EMC8: variants seen among roughly 807,000 people sequenced by gnomAD.
EMC8 encodes the protein COX4 neighbor.
A neutral mutation model predicts 24.3 loss-of-function variants in EMC8; 11 were observed. That is an observed-to-expected ratio of 0.45 (90% CI 0.28 to 0.75). The LOEUF (loss-of-function observed/expected upper bound fraction) is 0.75. EMC8 is among the 30% of genes least tolerant of loss of function. The pLI is 0.12. For missense variants in EMC8, 277 were observed against 282.7 expected, an observed-to-expected ratio of 0.98 and a Z score of 0.14; for synonymous variants, 145 against 117.7, an observed-to-expected ratio of 1.23 and a Z score of -1.50.
chr16:85,790,395 C>T (rs900946899), intron 1 of EMC8, among the ~76,000 whole-genome samples: 5 of 152,080 alleles, frequency 3.3e-5, no homozygotes, highest in African/African-American at 1.2e-4. Flanking sequence ...ACCAACTAGA[C>T]ATTCTGGTCA....
rs890541349 is a variant in EMC8 at position 85,799,423 on chromosome 16, G to A, written c.-128C>T. Reference sequence around the variant, plus strand: ...GCGATTGATGGCGCGGCCGCGGGCTGGCGGGGGACCCTTCAGGCCCGGCCC... The same window carrying A: ...GCGATTGATGGCGCGGCCGCGGGCTAGCGGGGGACCCTTCAGGCCCGGCCC... On this transcript the variant is annotated 5_prime_UTR_variant, in exon 1 of 5. Coordinates refer to ENST00000253457, the MANE Select transcript of EMC8 (RefSeq NM_006067.5). This position sits in a 1 kb window ranked among gnomAD's most constrained non-coding sequence, Gnocchi z 4.2. The A allele has an allele frequency of 3.8e-6, 2 of 530,580 alleles. No individual in the cohort carries two copies. The highest frequency in any genetic ancestry group is 3.4e-5 in the South Asian group (1 of 29,560). 32.9% of individuals were successfully genotyped at this position (530,580 alleles called of 1,614,324 possible). A position where few individuals can be genotyped will look rare whatever the true frequency, so the allele number is the denominator to read the frequency against.
At chr16:85,781,329 G>A (rs759744814) in intron 2 of EMC8, 49 bp from the exon 3 acceptor site, 1 of 1,201,454 alleles carries the variant, frequency 8.3e-7, no homozygotes, top group Non-Finnish European at 1.2e-6. Context: ...ATTCAACACT[G>A]TTTACAAAAG....
intron 1 of EMC8, among the ~76,000 whole-genome samples, chr16:85,797,544 A>C (rs751534315): frequency 2.0e-5 from 3 of 152,256 alleles, no homozygotes; most frequent in Non-Finnish European, 4.4e-5. Flanking sequence ...AAGTATTATA[A>C]TCATCTGAAT....
rs569539707 is a variant in EMC8, at chr16:85,793,161, T to A, written c.232-4111A>T. On this transcript the variant is annotated intron_variant, in intron 1 of 4. Transcript: ENST00000253457. ...CCCCTTTCATTCCCAACTAGACTCT[T>A]TGCACAGAGGCAGTAGCTTCTCACA... Among the ~76,000 whole-genome samples, 15 of 152,286 alleles carry A rather than the reference T, an allele frequency of 9.8e-5. No individual in the cohort carries two copies. The South Asian group carries it at 1.9e-3, about 19-fold the overall frequency.
intron 2 of EMC8, 171 bp from the exon 3 acceptor site, chr16:85,781,451 G>C (rs760026018): frequency 8.4e-6 from 5 of 591,826 alleles, no homozygotes; most frequent in East Asian, 3.0e-5. Context: ...TTTTGGTAGA[G>C]ATAGGGTCTT....
intron 1 of EMC8, among the ~76,000 whole-genome samples, chr16:85,792,055 G>A (rs1460663712): frequency 6.6e-6 from 1 of 152,192 alleles, no homozygotes; most frequent in Non-Finnish European, 1.5e-5. Flanking sequence ...ACCCCCAGCA[G>A]CAGTCTCAGT....
intron 2 of EMC8, 56 bp downstream of exon 2, chr16:85,788,918 G>C: frequency 8.1e-7 from 1 of 1,239,572 alleles, no homozygotes; most frequent in Non-Finnish European, 1.2e-6. Flanking sequence ...CGAGAGACGG[G>C]GTCTGCCCAA....
chr16:85,795,397 T>C lies in EMC8; in HGVS notation c.231+3668A>G, dbSNP rs530514436. On this transcript the variant is annotated intron_variant, in intron 1 of 4. Transcript: ENST00000253457. ...CCTGGGGTGTGATGAGAGACACTGG[T>C]TTTCCTCCCCGTTCCTGGCTCCTCA... Among the ~76,000 whole-genome samples, 28 of 152,258 alleles carry C rather than the reference T, an allele frequency of 1.8e-4. No individual in the cohort carries two copies. In the South Asian group the frequency reaches 5.6e-3, roughly 30 times the overall value.
At chr16:85,788,649 C>T (rs1189384402) in intron 2 of EMC8, among the ~76,000 whole-genome samples, 2 of 152,236 alleles carry the variant, frequency 1.3e-5, no homozygotes, top group African/African-American at 4.8e-5. Flanking sequence ...CTCTGCCCAA[C>T]ACCACCCCTA....
At chr16:85,798,836 G>C in intron 1 of EMC8, 1 of 483,468 alleles carries the variant, frequency 2.1e-6, no homozygotes, top group South Asian at 3.8e-5. Flanking sequence ...TCGCCTTAAA[G>C]TGCCTCTAAA....
At position 85,779,475 on chromosome 16, in the gene EMC8, A is replaced by T. The variant is rs1001484845; in HGVS notation, c.*233T>A. ...CTTTGATTTGGAGGATTATAGCAAC[A>T]TACAACTGAGAGAGTCCACAGGGAC... On this transcript the variant is annotated 3_prime_UTR_variant, in exon 5 of 5. Coordinates refer to ENST00000253457, the MANE Select transcript of EMC8 (RefSeq NM_006067.5). The T allele has an allele frequency of 2.2e-6, 1 of 464,144 alleles. No homozygotes were observed. Among genetic ancestry groups the T allele is most frequent in the African/African-American group, 1.9e-5 (1 of 51,312 alleles). 28.8% of individuals were successfully genotyped at this position (464,144 alleles called of 1,614,324 possible).
intron 2 of EMC8, among the ~76,000 whole-genome samples, chr16:85,786,238 A>G (rs1904747993): frequency 6.6e-6 from 1 of 152,230 alleles, no homozygotes; most frequent in Admixed American, 6.5e-5. Context: ...ATTTGAATCC[A>G]GGTCTACTTG....
intron 2 of EMC8, among the ~76,000 whole-genome samples, chr16:85,784,093 G>T (rs1904638465): frequency 6.6e-6 from 1 of 152,132 alleles, no homozygotes; most frequent in Non-Finnish European, 1.5e-5. Flanking sequence ...CTGCCTCCCG[G>T]GTTCACGCCA....
At chr16:85,790,857 C>T (rs910103548) in intron 1 of EMC8, among the ~76,000 whole-genome samples, 4 of 151,860 alleles carry the variant, frequency 2.6e-5, no homozygotes, top group Non-Finnish European at 5.9e-5. Flanking sequence ...TTGAGAGTCT[C>T]GCTCCGTTGT....
At chr16:85,780,023 A>G (rs1904414234) in intron 4 of EMC8, 156 bp from the exon 5 acceptor site, 1 of 645,866 alleles carries the variant, frequency 1.5e-6, no homozygotes, top group Non-Finnish European at 2.7e-6. Context: ...GAAGAGGTAT[A>G]CAGAGCATAG....
intron 2 of EMC8, 166 bp from the exon 3 acceptor site, chr16:85,781,446 G>A: frequency 1.7e-6 from 1 of 593,964 alleles, no homozygotes; most frequent in South Asian, 1.9e-5. Flanking sequence ...TAATTTTTTG[G>A]TAGAGATAGG....
chr16:85,793,309 C>T (rs1211423994), intron 1 of EMC8, among the ~76,000 whole-genome samples: 1 of 152,190 alleles, frequency 6.6e-6, no homozygotes, highest in African/African-American at 2.4e-5. Context: ...ACCTGCTGAG[C>T]CTTCCTATCT....
chr16:85,798,246 C>T (rs992214736), intron 1 of EMC8, among the ~76,000 whole-genome samples: 2 of 151,186 alleles, frequency 1.3e-5, no homozygotes, highest in African/African-American at 4.9e-5. Flanking sequence ...CTCAGCCTCC[C>T]GAGTGGCTGG....
At chr16:85,781,703 T>C (rs11863796) in intron 2 of EMC8, 13,808 of 174,662 alleles carry the variant, frequency 0.079, 755 homozygotes, top group East Asian at 0.32. Flanking sequence ...CTTACTGCCC[T>C]GGCCTCCCAA....
Sources: gnomAD v4.1 joint callset for allele counts (sites outside exome capture counted in the v4.1 genomes callset) on GRCh38, gnomAD v4.1.1 for gene constraint, Gnocchi (gnomAD v3.1) non-coding constraint, MANE v1.5 for transcripts, NCBI Gene and HGNC (gene_info 2026-07-23, HGNC 2026-07-21) for gene names.